Variants in MFAP3L observed in about 807,000 individuals in gnomAD.
The protein encoded by MFAP3L is microfibril associated protein 3 like, also known as microfibrillar-associated protein 3-like.
In MFAP3L, 5 loss-of-function variants were observed where a neutral mutation model predicts 20.0. The ratio of observed to expected loss-of-function variants is 0.25; its 90% CI spans 0.13 to 0.53. MFAP3L has a LOEUF of 0.53. Ranked by LOEUF, MFAP3L falls within the 20% of genes least tolerant of loss-of-function variation. MFAP3L has a pLI of 0.96. For synonymous variants in MFAP3L, 219 were observed against 213.0 expected (o/e 1.03, Z -0.25); for missense variants, 409 against 527.5 (o/e 0.78, Z 2.20).
At chr4:170,002,221 C>CA (rs1738681477) in intron 2 of MFAP3L, 1 of 985,260 alleles carries the variant, frequency 1.0e-6, no homozygotes, top group South Asian at 4.7e-5. Context: ...TTTTCACCTA[C>CA]AGGACCTAAA....
chr4:169,999,230 T>G (rs1426761129), intron 2 of MFAP3L, among the ~76,000 whole-genome samples: 2 of 152,164 alleles, frequency 1.3e-5, no homozygotes, highest in Admixed American at 1.3e-4. Context: ...CTAGGGCAGC[T>G]CTAACAAGCT....
intron 1 of MFAP3L, among the ~76,000 whole-genome samples, chr4:170,014,211 C>T (rs902546478): frequency 6.6e-6 from 1 of 152,210 alleles, no homozygotes; most frequent in South Asian, 2.1e-4. Context: ...TCTTCCTACT[C>T]ATTTGGAGTA....
At chr4:170,008,673 C>A (rs1343474114) in intron 1 of MFAP3L, among the ~76,000 whole-genome samples, 3 of 152,116 alleles carry the variant, frequency 2.0e-5, no homozygotes, top group Admixed American at 1.3e-4. Context: ...GCATCCAGGC[C>A]CTCTTCTGCC....
At chr4:170,020,151 CAA>C (rs1739938364) in intron 1 of MFAP3L, among the ~76,000 whole-genome samples, 1 of 152,188 alleles carries the variant, frequency 6.6e-6, no homozygotes, top group Non-Finnish European at 1.5e-5. Context: ...TCTGGTGCTG[CAA>C]AGTCTTGCCT....
upstream of MFAP3L, chr4:170,026,478 G>C (rs557186896): frequency 2.3e-3 from 408 of 179,406 alleles, 2 homozygotes; most frequent in Middle Eastern, 0.017. Context: ...CGGGCGGCGC[G>C]GAGGCGCGGG....
In MFAP3L at chr4:170,013,501, T is replaced by G. The variant is rs542119563; in HGVS notation, c.-133-7491A>C. Among the ~76,000 whole-genome samples the G allele has an allele frequency of 2.5e-3, 381 of 152,338 alleles. 1 individual carries two copies. Among genetic ancestry groups the G allele is most frequent in the Middle Eastern group, 0.02 (6 of 294 alleles). ...CATTAGACTTGGAAAAACTTGGATGTATTTTCATAAAGGTTTTTCTTTACT... is the reference window on the plus strand; with the variant it reads ...CATTAGACTTGGAAAAACTTGGATGGATTTTCATAAAGGTTTTTCTTTACT... On this transcript the variant is annotated intron_variant, in intron 1 of 2. Coordinates refer to ENST00000361618, the MANE Select transcript of MFAP3L (RefSeq NM_021647.8).
chr4:169,997,808 T>G, intron 2 of MFAP3L: 1 of 982,016 alleles, frequency 1.0e-6, no homozygotes, highest in Non-Finnish European at 1.2e-6. Context: ...AATTCTTTTT[T>G]TTTTTTTTTT....
intron 2 of MFAP3L, chr4:170,003,671 C>T: frequency 6.1e-6 from 6 of 985,432 alleles, no homozygotes; most frequent in Non-Finnish European, 7.2e-6. Flanking sequence ...CAGGGATAAC[C>T]TTTGCTTTAG....
At chr4:170,003,722 C>T in intron 2 of MFAP3L, 1 of 985,404 alleles carries the variant, frequency 1.0e-6, no homozygotes. Flanking sequence ...GGTCTTTCTT[C>T]CCTTTGATTC....
rs1737438509 is a variant in MFAP3L, at chr4:169,988,577, A to G, written c.*2801T>C. 1 of 152,214 alleles carries G rather than the reference A, an allele frequency of 6.6e-6. No homozygotes were observed. Among genetic ancestry groups the G allele is most frequent in the South Asian group, 2.1e-4 (1 of 4,834 alleles). 9.4% of individuals were successfully genotyped at this position (152,214 alleles called of 1,614,324 possible). A position where few individuals can be genotyped will look rare whatever the true frequency, so the allele number is the denominator to read the frequency against. ...TTCAGTCACACTCGCATGAATTTCT[A>G]TGAAGCTGAACAGTTCACTTTATCT... is the stretch of plus-strand genomic sequence containing the variant. On this transcript the variant is annotated 3_prime_UTR_variant, in exon 3 of 3. Coordinates refer to ENST00000361618, the MANE Select transcript of MFAP3L (RefSeq NM_021647.8).
intron 1 of MFAP3L, among the ~76,000 whole-genome samples, chr4:170,009,378 G>C (rs531428100): frequency 7.9e-6 from 1 of 126,768 alleles, no homozygotes; most frequent in Non-Finnish European, 1.6e-5. Context: ...GCAAGACGCT[G>C]TCTCAAAAAA....
chr4:169,992,413 T>C lies in MFAP3L; in HGVS notation c.299-104A>G. Reference sequence around the variant, plus strand: ...TCTATGAACATCTATGAAGAACATCTATGAAGTCTATGAACGTCGACTTCA... The same window carrying C: ...TCTATGAACATCTATGAAGAACATCCATGAAGTCTATGAACGTCGACTTCA... On this transcript the variant is annotated intron_variant, in intron 2 of 2. Coordinates refer to ENST00000361618, the MANE Select transcript of MFAP3L (RefSeq NM_021647.8). The surrounding 1 kb of genome is among the most constrained non-coding windows in gnomAD (Gnocchi z 4.3). 9.9e-7 allele frequency: 1 copy of C among 1,006,732 alleles called. No individual in the cohort carries two copies. The highest frequency in any genetic ancestry group is 1.6e-5 in the African/African-American group (1 of 61,820). The allele number at this position is 1,006,732 out of a possible 1,614,324, so 62.4% of individuals were successfully genotyped here.
chr4:170,014,119 A>T (rs1236039813), intron 1 of MFAP3L, among the ~76,000 whole-genome samples: 1 of 152,226 alleles, frequency 6.6e-6, no homozygotes, highest in Non-Finnish European at 1.5e-5. Context: ...GTACAGAAGC[A>T]TCTCTAGCTG....
intron 2 of MFAP3L, chr4:169,994,845 T>C (rs1030862130): frequency 6.6e-6 from 1 of 152,292 alleles, no homozygotes; most frequent in Non-Finnish European, 1.5e-5. Flanking sequence ...CTTTATCCAA[T>C]ATTTAATTTT....
intron 1 of MFAP3L, among the ~76,000 whole-genome samples, chr4:170,013,911 A>C (rs1403579640): frequency 6.6e-6 from 1 of 152,244 alleles, no homozygotes; most frequent in Non-Finnish European, 1.5e-5. Context: ...TTCTCCAGAA[A>C]TCTGATGATC....
intron 2 of MFAP3L, chr4:170,003,720 T>G (rs1738845821): frequency 3.0e-6 from 3 of 985,456 alleles, no homozygotes; most frequent in Non-Finnish European, 3.6e-6. Context: ...TGGGTCTTTC[T>G]TCCCTTTGAT....
intron 1 of MFAP3L, among the ~76,000 whole-genome samples, chr4:170,009,306 C>T (rs113728209): frequency 6.6e-6 from 1 of 151,192 alleles, no homozygotes; most frequent in Non-Finnish European, 1.5e-5. Context: ...TCACTTGAAC[C>T]CAGGAGGCGG....
At position 169,996,433 on chromosome 4, in the gene MFAP3L, T is replaced by C. The variant is rs138622014; in HGVS notation, c.299-4124A>G. On this transcript the variant is annotated intron_variant, in intron 2 of 2. Coordinates refer to ENST00000361618, the MANE Select transcript of MFAP3L (RefSeq NM_021647.8). ...CACGACCCCTGACTGCAATAAAACA[T>C]CCAGTTCCAAGAGAAAAACAGACTC... Among the ~76,000 whole-genome samples, 409 of 151,906 alleles carry C rather than the reference T, an allele frequency of 2.7e-3. 4 individuals are homozygous for C. The highest frequency in any genetic ancestry group is 0.02 in the Admixed American group (312 of 15,272).
chr4:170,015,816 T>C (rs549618320), intron 1 of MFAP3L, among the ~76,000 whole-genome samples: 1 of 152,282 alleles, frequency 6.6e-6, no homozygotes, highest in East Asian at 1.9e-4. Flanking sequence ...TTACCTGGAC[T>C]AAGAGTGGGT....
Sources: gnomAD v4.1 joint callset for allele counts (sites outside exome capture counted in the v4.1 genomes callset) on GRCh38, gnomAD v4.1.1 for gene constraint, Gnocchi (gnomAD v3.1) non-coding constraint, MANE v1.5 for transcripts, NCBI Gene and HGNC (gene_info 2026-07-23, HGNC 2026-07-21) for gene names.